Variants in NLGN1 observed in about 807,000 individuals in gnomAD.
NLGN1 encodes neuroligin 1, also known as neuroligin-1.
NLGN1 carries 12 observed loss-of-function variants against 65.5 expected under a neutral mutation model. The observed-to-expected ratio is 0.18, with a 90% CI of 0.12 to 0.30. The LOEUF is 0.30. Ranked by LOEUF, NLGN1 falls within the 10% of genes least tolerant of loss-of-function variation. The pLI, the probability that NLGN1 is intolerant of heterozygous loss-of-function variation, is 1.00. For missense variants in NLGN1, 750 were observed against 1,007.1 expected (o/e 0.74, Z 3.46); for synonymous variants, 350 against 359.5 (o/e 0.97, Z 0.30).
intron 4 of NLGN1, among the ~76,000 whole-genome samples, chr3:173,847,847 G>T (rs998183404): frequency 1.3e-5 from 2 of 151,976 alleles, no homozygotes; most frequent in Non-Finnish European, 2.9e-5. Flanking sequence ...ACTCTAGCCT[G>T]GGCGACAGAG....
At chr3:173,842,393 T>C (rs2861591) in intron 4 of NLGN1, among the ~76,000 whole-genome samples, 127,247 of 152,130 alleles carry the variant, frequency 0.84, 53,742 homozygotes, top group Non-Finnish European at 0.87. Flanking sequence ...AATGTCTTAA[T>C]TCATTTCACC....
intron 4 of NLGN1, among the ~76,000 whole-genome samples, chr3:173,840,032 TGCTATTTTACAAATC>T (rs1724487439): frequency 6.6e-6 from 1 of 152,194 alleles, no homozygotes; most frequent in African/African-American, 2.4e-5. Flanking sequence ...TTAACCACTG[TGCTATTTTACAAATC>T]GCAACATCGA....
chr3:174,003,883 A>G (rs547988806), intron 4 of NLGN1, among the ~76,000 whole-genome samples: 11 of 152,162 alleles, frequency 7.2e-5, no homozygotes, highest in Non-Finnish European at 1.6e-4. Context: ...ATAATCAAAG[A>G]TTATATGTGA....
At chr3:173,689,713 C>A (rs140207439) in intron 3 of NLGN1, among the ~76,000 whole-genome samples, 3 of 152,090 alleles carry the variant, frequency 2.0e-5, no homozygotes, top group Middle Eastern at 3.2e-3. Context: ...CTATCTGTAA[C>A]GAATCCAGAT....
At chr3:173,811,566 C>CAA (rs768913259) in intron 4 of NLGN1, among the ~76,000 whole-genome samples, 4 of 46,288 alleles carry the variant, frequency 8.6e-5, no homozygotes, top group African/African-American at 1.4e-4. Context: ...AACTCCGTCT[C>CAA]AAAAAAAAAA....
intron 4 of NLGN1, among the ~76,000 whole-genome samples, 166 bp from the exon 5 acceptor site, chr3:174,275,149 A>ACTATT (rs1425347230): frequency 1.3e-5 from 2 of 151,874 alleles, no homozygotes; most frequent in African/African-American, 4.8e-5. Flanking sequence ...GCCACTACTA[A>ACTATT]CTATTCTTGC....
chr3:173,518,888 C>A, intron 2 of NLGN1, among the ~76,000 whole-genome samples: 1 of 152,232 alleles, frequency 6.6e-6, no homozygotes, highest in Non-Finnish European at 1.5e-5. Context: ...GGAAAGGCCT[C>A]GATGGCATTT....
intron 1 of NLGN1, among the ~76,000 whole-genome samples, chr3:173,401,758 T>A (rs1375439809): frequency 6.6e-6 from 1 of 152,088 alleles, no homozygotes; most frequent in Non-Finnish European, 1.5e-5. Flanking sequence ...GCAGAGTGAA[T>A]CAATACATAA....
At position 174,207,371 on chromosome 3, in the gene NLGN1, G is replaced by A. The variant is rs140406493; in HGVS notation, c.647-67944G>A. Among the ~76,000 whole-genome samples, 1,269 of 152,250 alleles carry A rather than the reference G, an allele frequency of 8.3e-3. 12 individuals are homozygous for A. Among genetic ancestry groups the A allele is most frequent in the African/African-American group, 0.025 (1,030 of 41,546 alleles). ...AACAGGTTCTTCAGCCACAGGCACA[G>A]GATTTGGCATAAAGTAGGCACTCAA... On this transcript the variant is annotated intron_variant, in intron 4 of 6. Transcript: ENST00000457714.
chr3:173,755,746 G>T (rs987448642), intron 3 of NLGN1, among the ~76,000 whole-genome samples: 1 of 152,090 alleles, frequency 6.6e-6, no homozygotes, highest in Admixed American at 6.6e-5. Flanking sequence ...ATGTAAAGTT[G>T]ACACATTTTG....
At chr3:174,140,876 C>G (rs1722154921) in intron 4 of NLGN1, among the ~76,000 whole-genome samples, 1 of 152,016 alleles carries the variant, frequency 6.6e-6, no homozygotes, top group South Asian at 2.1e-4. Flanking sequence ...TTTTGTATAA[C>G]TCTATGATTG....
intron 4 of NLGN1, among the ~76,000 whole-genome samples, chr3:174,113,837 C>T (rs749716177): frequency 6.6e-6 from 1 of 151,998 alleles, no homozygotes; most frequent in Non-Finnish European, 1.5e-5. Flanking sequence ...ACTAACTGTA[C>T]GTAGGTGAAT....
At chr3:174,237,486 T>A (rs1741935130) in intron 4 of NLGN1, among the ~76,000 whole-genome samples, 1 of 152,240 alleles carries the variant, frequency 6.6e-6, no homozygotes, top group South Asian at 2.1e-4. Context: ...AAAATGAACA[T>A]AACTTTCTGA....
chr3:173,693,996 A>G (rs1012655615), intron 3 of NLGN1, among the ~76,000 whole-genome samples: 3 of 152,120 alleles, frequency 2.0e-5, no homozygotes, highest in Non-Finnish European at 2.9e-5. Flanking sequence ...ATAGGAAGAA[A>G]TAAAAGGAAA....
intron 4 of NLGN1, among the ~76,000 whole-genome samples, chr3:173,983,252 A>G (rs1719157763): frequency 1.3e-5 from 2 of 152,156 alleles, no homozygotes; most frequent in African/African-American, 4.8e-5. Context: ...CAAATGTCAA[A>G]TGCCATAAGC....
chr3:174,152,800 A>G (rs1318659476), intron 4 of NLGN1, among the ~76,000 whole-genome samples: 1 of 152,084 alleles, frequency 6.6e-6, no homozygotes, highest in Admixed American at 6.6e-5. Context: ...TTAATCTCCA[A>G]CTAAGAAAAC....
chr3:174,002,594 G>A (rs767874495), intron 4 of NLGN1, among the ~76,000 whole-genome samples: 1 of 152,032 alleles, frequency 6.6e-6, no homozygotes, highest in Non-Finnish European at 1.5e-5. Flanking sequence ...GTTGAGAACT[G>A]CTGCCCCTCA....
intron 4 of NLGN1, among the ~76,000 whole-genome samples, chr3:173,975,155 T>G (rs1717154154): frequency 6.6e-6 from 1 of 152,010 alleles, no homozygotes; most frequent in Admixed American, 6.6e-5. Flanking sequence ...ACAGTTGTCT[T>G]TAGGTAAAGT....
chr3:173,592,963 C>T (rs1748783640), intron 2 of NLGN1, among the ~76,000 whole-genome samples: 1 of 152,026 alleles, frequency 6.6e-6, no homozygotes, highest in South Asian at 2.1e-4. Flanking sequence ...TTTGGAAAGC[C>T]CCAGCCTCCA....
Sources: allele counts gnomAD v4.1 joint callset (sites outside exome capture counted in the v4.1 genomes callset), GRCh38; gene constraint gnomAD v4.1.1; transcripts MANE v1.5; gene names NCBI Gene and HGNC (gene_info 2026-07-23, HGNC 2026-07-21).